URI1: variants seen among roughly 807,000 people sequenced by gnomAD.
The protein encoded by URI1 is unconventional prefoldin RPB5 interactor 1.
A neutral mutation model predicts 60.2 loss-of-function variants in URI1; 39 were observed. That is an observed-to-expected ratio of 0.65 (90% CI 0.50 to 0.85). The LOEUF is 0.85. URI1 is among the 40% of genes least tolerant of loss of function. URI1 has a pLI of 0.00. For missense variants in URI1, 691 were observed against 665.9 expected, an observed-to-expected ratio of 1.04 and a Z score of -0.42; for synonymous variants, 251 against 236.8, an observed-to-expected ratio of 1.06 and a Z score of -0.55.
intron 2 of URI1, among the ~76,000 whole-genome samples, chr19:29,974,250 A>T (rs1310704870): frequency 6.6e-6 from 1 of 152,132 alleles, no homozygotes; most frequent in African/African-American, 2.4e-5. Context: ...GCACTCAATA[A>T]GTATTAATAG....
chr19:29,971,486 T>C (rs970981989), intron 2 of URI1, among the ~76,000 whole-genome samples: 1 of 152,066 alleles, frequency 6.6e-6, no homozygotes, highest in African/African-American at 2.4e-5. Flanking sequence ...AAGAATAATA[T>C]TAATATCATT....
chr19:30,013,388 G>A (rs1459428125), intron 10 of URI1, among the ~76,000 whole-genome samples: 2 of 152,082 alleles, frequency 1.3e-5, no homozygotes, highest in Non-Finnish European at 2.9e-5. Context: ...AGCATTTAGG[G>A]ACAGTACATA....
intron 10 of URI1, among the ~76,000 whole-genome samples, chr19:30,013,344 G>C (rs1332889272): frequency 6.6e-6 from 1 of 152,112 alleles, no homozygotes; most frequent in Non-Finnish European, 1.5e-5. Flanking sequence ...ATTATACTCA[G>C]TGTATTAAAT....
At chr19:29,941,781 T>A (rs2055027008), upstream of URI1, among the ~76,000 whole-genome samples, 1 of 152,170 alleles carries the variant, frequency 6.6e-6, no homozygotes, top group Non-Finnish European at 1.5e-5. Context: ...AATATAATTG[T>A]ATATTTCAAC....
intron 1 of URI1, among the ~76,000 whole-genome samples, chr19:29,949,166 G>T (rs992890547): frequency 2.0e-5 from 3 of 150,288 alleles, no homozygotes; most frequent in Non-Finnish European, 4.4e-5. Context: ...GCGGCTGTGG[G>T]GCAGAGGGGG....
At chr19:30,012,656 T>TA in intron 10 of URI1, 125 bp downstream of exon 10, 1 of 1,197,330 alleles carries the variant, frequency 8.4e-7, no homozygotes. Flanking sequence ...TACTAATTAA[T>TA]AAAAAATTAA....
chr19:30,012,385 A>G lies in URI1; in HGVS notation c.1279A>G (p.Ser427Gly), dbSNP rs1289428133. 1 of 1,614,232 alleles carries G rather than the reference A, an allele frequency of 6.2e-7. No individual in the cohort carries two copies. Among genetic ancestry groups the G allele is most frequent in the Non-Finnish European group, 8.5e-7 (1 of 1,180,032 alleles). Reference protein sequence around the residue: ...NSVCSDTSESSAAEFDDRRGV... With the variant: ...NSVCSDTSESGAAEFDDRRGV... ...TGTGTGTAGCGACACTAGTGAAAGC[A>G]GTGCTGCTGAATTTGATGATAGGCG... The change falls in exon 10 of 11, where the codon AGT (serine) becomes GGT (glycine). Residue 427 changes from serine to glycine, a missense_variant. Transcript: ENST00000392271.
intron 1 of URI1, among the ~76,000 whole-genome samples, chr19:29,964,444 T>C (rs1339176904): frequency 2.0e-5 from 3 of 151,292 alleles, no homozygotes; most frequent in African/African-American, 2.4e-5. Flanking sequence ...GTGGTTTCTT[T>C]TGTTTTTGTT....
At position 29,926,644 on chromosome 19, in the gene URI1, T is replaced by C. The variant is rs114956566; in HGVS notation, c.63+2890T>C. Among the ~76,000 whole-genome samples the C allele has an allele frequency of 1.2e-3, 190 of 152,286 alleles. 1 individual carries two copies. Among genetic ancestry groups the C allele is most frequent in the African/African-American group, 4.2e-3 (175 of 41,558 alleles). ...TACAGGATTGCTCACTTTGTGAAAA[T>C]TCGCTAAGGATTTGTGCACTTTTCT... On this transcript the variant is annotated intron_variant, in intron 1 of 10. Transcript: ENST00000360605.
At chr19:29,962,263 CTT>C (rs894682343) in intron 1 of URI1, among the ~76,000 whole-genome samples, 2 of 143,532 alleles carry the variant, frequency 1.4e-5, no homozygotes, top group African/African-American at 2.5e-5. Context: ...TTTTTCTCTG[CTT>C]TTTTTTTTTC....
rs187596941 is a variant in URI1, at chr19:30,001,492, A to G, written c.368-3869A>G. Among the ~76,000 whole-genome samples the G allele has an allele frequency of 8.1e-3, 1,235 of 151,822 alleles. 7 individuals carry two copies. Among genetic ancestry groups the G allele is most frequent in the Non-Finnish European group, 0.011 (751 of 67,806 alleles). ...TTTTCTATTCTCTTTCCACTTCCCTATTCCCTACCATCTCTACAAACCACT... is the reference window on the plus strand; with the variant it reads ...TTTTCTATTCTCTTTCCACTTCCCTGTTCCCTACCATCTCTACAAACCACT... On this transcript the variant is annotated intron_variant, in intron 4 of 10. Transcript: ENST00000392271.
At chr19:29,999,705 G>A (rs150097848) in intron 4 of URI1, among the ~76,000 whole-genome samples, 120 of 151,944 alleles carry the variant, frequency 7.9e-4, no homozygotes, top group African/African-American at 2.6e-3. Context: ...TTGTAGATTC[G>A]TACCTTATCA....
At chr19:30,012,192 A>G in intron 9 of URI1, 93 bp from the exon 10 acceptor site, 1 of 1,427,250 alleles carries the variant, frequency 7.0e-7, no homozygotes, top group Non-Finnish European at 9.4e-7. Context: ...TTTCAGATTA[A>G]TTTCTAGAAT....
rs1240239828 is a variant in URI1, at chr19:29,986,418, G to A, written c.367+1G>A. ...GGTTTAGTTGAGCACCGGAAAGAAC[G>A]TAGGTACCCATTTTAAATGATGTTT... On this transcript the variant is annotated splice_donor_variant, in intron 4 of 10. Coordinates refer to ENST00000392271, the MANE Select transcript of URI1 (RefSeq NM_003796.3). LOFTEE classifies it high-confidence loss of function. 2.5e-6 allele frequency: 4 copies of A among 1,602,970 alleles called. No individual in the cohort carries two copies. Among genetic ancestry groups the A allele is most frequent in the East Asian group, 2.3e-5 (1 of 44,434 alleles).
chr19:29,923,850 T>A (rs1338587892), intron 1 of URI1: 9 of 1,259,212 alleles, frequency 7.1e-6, no homozygotes, highest in Middle Eastern at 1.8e-4. Context: ...AGAAACAGAA[T>A]GAACAAGATA....
chr19:29,979,932 T>C (rs918876464), intron 2 of URI1, among the ~76,000 whole-genome samples: 1 of 152,208 alleles, frequency 6.6e-6, no homozygotes, highest in African/African-American at 2.4e-5. Context: ...ATTTAAATTT[T>C]CCATGAGGAG....
At position 30,015,071 on chromosome 19, in the gene URI1, C is replaced by A. The variant is rs937135067; in HGVS notation, c.*2C>A. 1 of 1,610,878 alleles carries A rather than the reference C, an allele frequency of 6.2e-7. No individual in the cohort carries two copies. The highest frequency in any genetic ancestry group is 8.5e-7 in the Non-Finnish European group (1 of 1,178,748). ...GCCAGATTGCAACAGAAAGACTAGGCCCTGTCTAGGAAATGGGAATTTACA... is the reference window on the plus strand; with the variant it reads ...GCCAGATTGCAACAGAAAGACTAGGACCTGTCTAGGAAATGGGAATTTACA... On this transcript the variant is annotated 3_prime_UTR_variant, in exon 11 of 11. Transcript: ENST00000392271.
At chr19:29,956,398 A>G (rs2055248258) in intron 1 of URI1, 3 of 1,486,292 alleles carry the variant, frequency 2.0e-6, no homozygotes, top group Middle Eastern at 2.4e-4. Flanking sequence ...CTGTAGCTGG[A>G]TAACTCTTAG....
upstream of URI1, chr19:29,942,128 G>A (rs1415140758): frequency 2.5e-6 from 2 of 807,090 alleles, no homozygotes; most frequent in Non-Finnish European, 3.0e-6. Flanking sequence ...GCCAGCCCCA[G>A]CCACGCGGTT....
Sources: gnomAD v4.1 joint callset for allele counts (sites outside exome capture counted in the v4.1 genomes callset) on GRCh38, gnomAD v4.1.1 for gene constraint, MANE v1.5 for transcripts, NCBI Gene and HGNC (gene_info 2026-07-23, HGNC 2026-07-21) for gene names.